The following C6 variants were observed in gnomAD, a reference collection of about 807,000 sequenced individuals.
C6 encodes the protein complement C6.
C6 carries 101 observed loss-of-function variants against 112.9 expected under a neutral mutation model. That is an observed-to-expected ratio of 0.89 (90% confidence interval 0.76 to 1.06). The LOEUF is 1.06. Ranked by LOEUF, C6 falls within the 50% of genes least tolerant of loss-of-function variation. The pLI is 0.00. For missense variants in C6, 1,202 were observed against 1,104.6 expected, an observed-to-expected ratio of 1.09 and a Z score of -1.25; for synonymous variants, 431 against 384.1, an observed-to-expected ratio of 1.12 and a Z score of -1.43.
intron 5 of C6, among the ~76,000 whole-genome samples, chr5:41,195,484 G>T (rs1256357437): frequency 6.6e-6 from 1 of 152,158 alleles, no homozygotes; most frequent in Admixed American, 6.5e-5. Context: ...GATGGGCTTA[G>T]ACCAGTCTGC....
At chr5:41,157,146 A>G (rs918756788) in intron 13 of C6, among the ~76,000 whole-genome samples, 1 of 152,230 alleles carries the variant, frequency 6.6e-6, no homozygotes, top group Non-Finnish European at 1.5e-5. Flanking sequence ...AGTAAAAACT[A>G]TTGCCAGACA....
chr5:41,195,477 G>A (rs576995058), intron 5 of C6, among the ~76,000 whole-genome samples: 5 of 152,238 alleles, frequency 3.3e-5, no homozygotes, highest in Admixed American at 6.5e-5. Context: ...CCAGCTTGAT[G>A]GGCTTAGACC....
intron 15 of C6, chr5:41,152,636 A>G (rs1746515886): frequency 6.6e-6 from 1 of 152,112 alleles, no homozygotes. Flanking sequence ...TCCTTCTATT[A>G]CCACCATTTT....
At chr5:41,211,944 TATC>T (rs900965709) in intron 1 of C6, among the ~76,000 whole-genome samples, 5 of 152,156 alleles carry the variant, frequency 3.3e-5, no homozygotes, top group African/African-American at 1.2e-4. Flanking sequence ...TTATTCCAAT[TATC>T]ATCAAAAACT....
intron 1 of C6, among the ~76,000 whole-genome samples, chr5:41,207,844 C>A (rs1352107979): frequency 6.6e-6 from 1 of 152,104 alleles, no homozygotes; most frequent in African/African-American, 2.4e-5. Context: ...ACAAGGATAT[C>A]CAGGAATTGA....
rs1294828227 is a variant in C6, at chr5:41,154,038, G to C, written c.2102-40C>G. 3 of 1,583,340 alleles carry C rather than the reference G, an allele frequency of 1.9e-6. No individual in the cohort carries two copies. In the African/African-American group the frequency reaches 4.0e-5, roughly 21 times the overall value. ...CATTTCATATGTGTTTAGTGGAGCAGAATAAACAAAAAATTTAGGCAAATT... is the reference window on the plus strand; with the variant it reads ...CATTTCATATGTGTTTAGTGGAGCACAATAAACAAAAAATTTAGGCAAATT... On this transcript the variant is annotated intron_variant, in intron 14 of 17. Transcript: ENST00000337836.
intron 6 of C6, among the ~76,000 whole-genome samples, chr5:41,184,429 T>G (rs1322874520): frequency 6.6e-6 from 1 of 152,156 alleles, no homozygotes; most frequent in Non-Finnish European, 1.5e-5. Context: ...GCTGTATAAC[T>G]CTGAGAGAGT....
At chr5:41,148,145 G>A (rs1746018861) in intron 17 of C6, among the ~76,000 whole-genome samples, 1 of 152,168 alleles carries the variant, frequency 6.6e-6, no homozygotes, top group African/African-American at 2.4e-5. Context: ...AGATTTATTT[G>A]TGATAGATTT....
chr5:41,233,495 A>C (rs1580235001), intron 1 of C6, among the ~76,000 whole-genome samples: 1 of 152,222 alleles, frequency 6.6e-6, no homozygotes, highest in Non-Finnish European at 1.5e-5. Flanking sequence ...GAATATTTAC[A>C]AGATGGCAAA....
chr5:41,199,902 C>A lies in C6; in HGVS notation c.311G>T (p.Arg104Ile), dbSNP rs1349839914. 1.2e-6 allele frequency: 2 copies of A among 1,613,518 alleles called. No homozygotes were observed. Among genetic ancestry groups the A allele is most frequent in the East Asian group, 2.2e-5 (1 of 44,840 alleles). Residue 104 changes from arginine to isoleucine, a missense_variant, in exon 4 of 18, where the codon AGA becomes ATA. Arg to Ile is a moderately conservative substitution (Grantham distance 97). Coordinates refer to ENST00000337836, the MANE Select transcript of C6 (RefSeq NM_000065.5). ...DPCIEKQSKV[R>I]SVLRPSQFGG... is the part of the protein sequence containing the mutation. Reference sequence around the variant, plus strand: ...AAACTGACTGGGACGCAAGACAGATCTAACTTTAGACTGAAAGGAAAGAAG... The same window carrying A: ...AAACTGACTGGGACGCAAGACAGATATAACTTTAGACTGAAAGGAAAGAAG...
chr5:41,261,335 C>A (rs1241684736), exon 1 of C6: 1 of 357,708 alleles, frequency 2.8e-6, no homozygotes, highest in East Asian at 1.7e-4. Flanking sequence ...CTAGAAACAT[C>A]TCTCTTTAAA....
intron 1 of C6, among the ~76,000 whole-genome samples, chr5:41,258,461 C>A (rs920195637): frequency 2.0e-5 from 3 of 152,150 alleles, no homozygotes; most frequent in Non-Finnish European, 2.9e-5. Flanking sequence ...TATATGTTAA[C>A]AGAAAAAGTT....
intron 5 of C6, among the ~76,000 whole-genome samples, chr5:41,194,925 G>T (rs1337960168): frequency 6.6e-6 from 1 of 152,192 alleles, no homozygotes; most frequent in Non-Finnish European, 1.5e-5. Context: ...TTCTTCCAGG[G>T]TGTCTCATTT....
chr5:41,234,597 C>A (rs548616955), intron 1 of C6, among the ~76,000 whole-genome samples: 126 of 152,136 alleles, frequency 8.3e-4, no homozygotes, highest in African/African-American at 2.7e-3. Context: ...TGTAGTTTCT[C>A]CAATTTTATA....
chr5:41,161,566 T>C, intron 10 of C6, 127 bp downstream of exon 10: 1 of 814,290 alleles, frequency 1.2e-6, no homozygotes, highest in East Asian at 2.5e-5. Flanking sequence ...ACATTGTGCA[T>C]GAATACTAAA....
chr5:41,228,078 T>C (rs1322983745), intron 1 of C6, among the ~76,000 whole-genome samples: 1 of 152,170 alleles, frequency 6.6e-6, no homozygotes, highest in Admixed American at 6.6e-5. Context: ...ATTTTAACAA[T>C]ATTAATTCTT....
rs371422530 is a variant in C6 at position 41,161,700 on chromosome 5, T to C, written c.1451A>G (p.Asp484Gly). Residue 484 changes from aspartate (D) to glycine (G), a missense_variant, in exon 10 of 18, where the codon GAC (aspartate) becomes GGC (glycine). Coordinates refer to ENST00000337836, the MANE Select transcript of C6 (RefSeq NM_000065.5). ...ESVKENPAVI[D>G]FELAPIVDLV... Reference sequence around the variant, plus strand: ...AATAATTTTTACTCTTACCTCAAAGTCAATCACAGCAGGATTTTCCTTCAC... The same window carrying C: ...AATAATTTTTACTCTTACCTCAAAGCCAATCACAGCAGGATTTTCCTTCAC... 6.2e-7 allele frequency: 1 copy of C among 1,613,236 alleles called. No homozygotes were observed. The highest frequency in any genetic ancestry group is 8.5e-7 in the Non-Finnish European group (1 of 1,179,424).
chr5:41,255,313 A>G (rs911137863), intron 1 of C6, among the ~76,000 whole-genome samples: 1 of 151,392 alleles, frequency 6.6e-6, no homozygotes, highest in African/African-American at 2.4e-5. Flanking sequence ...GTGAGCCGAG[A>G]TCGCCCCACT....
chr5:41,209,155 C>T (rs376371781), intron 1 of C6, among the ~76,000 whole-genome samples: 27 of 152,022 alleles, frequency 1.8e-4, no homozygotes, highest in Admixed American at 6.6e-4. Context: ...AAAAGGCCTT[C>T]GACAAAATTC....
Sources: allele counts gnomAD v4.1 joint callset (sites outside exome capture counted in the v4.1 genomes callset), GRCh38; gene constraint gnomAD v4.1.1; transcripts MANE v1.5; gene names NCBI Gene and HGNC (gene_info 2026-07-23, HGNC 2026-07-21).